The following GSDME variants were observed in gnomAD, a reference collection of about 807,000 sequenced individuals.
GSDME encodes gasdermin-E.
GSDME carries 44 observed loss-of-function variants against 47.5 expected under a neutral mutation model. That is an observed-to-expected ratio of 0.93 (90% CI 0.73 to 1.19). The LOEUF (loss-of-function observed/expected upper bound fraction) is 1.19, where lower values mean the gene tolerates loss of function less well. Ranked by LOEUF, GSDME falls within the 50% of genes most tolerant of loss-of-function variation. GSDME has a pLI of 0.00. For synonymous variants in GSDME, 258 were observed against 252.8 expected (o/e 1.02, Z -0.20); for missense variants, 663 against 604.2 (o/e 1.10, Z -1.02).
intron 3 of GSDME, among the ~76,000 whole-genome samples, chr7:24,727,587 G>A (rs1028003093): frequency 5.3e-5 from 8 of 152,234 alleles, no homozygotes; most frequent in Non-Finnish European, 1.2e-4. Flanking sequence ...AGGATCACAC[G>A]TGTGTTCACA....
rs1790422737 is a variant in GSDME at position 24,739,636 on chromosome 7, C to G, written c.404+4926G>C. On this transcript the variant is annotated intron_variant, in intron 3 of 9. Coordinates refer to ENST00000645220, the MANE Select transcript of GSDME (RefSeq NM_001127453.2). The surrounding 1 kb of genome is among the most constrained non-coding windows in gnomAD (Gnocchi z 5.1). Reference sequence around the variant, plus strand: ...AGCATTCCAACTGCTGGATATGTACCCAAAAGAAAGGAAATCAGTATACTG... The same window carrying G: ...AGCATTCCAACTGCTGGATATGTACGCAAAAGAAAGGAAATCAGTATACTG... Among the ~76,000 whole-genome samples, 1 of 152,044 alleles carries G rather than the reference C, an allele frequency of 6.6e-6. No homozygotes were observed. Among genetic ancestry groups the G allele is most frequent in the African/African-American group, 2.4e-5 (1 of 41,372 alleles).
chr7:24,706,163 T>G, intron 8 of GSDME, 21 bp downstream of exon 8: 1 of 1,614,012 alleles, frequency 6.2e-7, no homozygotes, highest in Non-Finnish European at 8.5e-7. Flanking sequence ...AGCCATTTCT[T>G]TCATTTTCTT....
chr7:24,787,847 C>T, the GSDME span, among the ~76,000 whole-genome samples: 3 of 152,144 alleles, frequency 2.0e-5, no homozygotes, highest in Non-Finnish European at 4.4e-5. The surrounding 1 kb of genome is among the most constrained non-coding windows in gnomAD (Gnocchi z 5.0). Flanking sequence ...GCTGGGATTA[C>T]AGGCACGTGC....
At chr7:24,774,615 C>A in the GSDME span, among the ~76,000 whole-genome samples, 1 of 152,082 alleles carries the variant, frequency 6.6e-6, no homozygotes, top group Non-Finnish European at 1.5e-5. Flanking sequence ...TCACTGCAAC[C>A]TCTGCCTCCC....
At position 24,749,731 on chromosome 7, in the gene GSDME, G is replaced by C. The variant is rs1420704852; in HGVS notation, c.44C>G (p.Ala15Gly). Reference protein sequence around the residue: ...ATRNFLREVDADGDLIAVSNL... With the variant: ...ATRNFLREVDGDGDLIAVSNL... ...TGATACTGCAATCAGGTCACCATCAGCATCAACTTCTCTAAGAAAATTCCT... is the reference window on the plus strand; with the variant it reads ...TGATACTGCAATCAGGTCACCATCACCATCAACTTCTCTAAGAAAATTCCT... The change falls in exon 2 of 10, where the codon GCT (alanine) becomes GGT (glycine). Residue 15 changes from alanine to glycine, a missense_variant. Transcript: ENST00000645220. 1 of 1,613,986 alleles carries C rather than the reference G, an allele frequency of 6.2e-7. No homozygotes were observed. The highest frequency in any genetic ancestry group is 1.7e-5 in the Admixed American group (1 of 60,008).
chr7:24,755,904 T>C (rs1791001682), intron 1 of GSDME, among the ~76,000 whole-genome samples: 1 of 152,230 alleles, frequency 6.6e-6, no homozygotes, highest in African/African-American at 2.4e-5. Flanking sequence ...ACTTGTCTAC[T>C]TGTCTCATTG....
the GSDME span, among the ~76,000 whole-genome samples, chr7:24,781,350 C>T: frequency 6.6e-6 from 1 of 152,186 alleles, no homozygotes; most frequent in Non-Finnish European, 1.5e-5. Context: ...CAATCTAACA[C>T]AGAAGAGAAG....
intron 9 of GSDME, among the ~76,000 whole-genome samples, chr7:24,700,475 A>G (rs910001276): frequency 3.3e-5 from 5 of 152,240 alleles, no homozygotes; most frequent in African/African-American, 9.6e-5. Context: ...AAATAAGCCT[A>G]GAAAGTTTGC....
chr7:24,717,224 C>T, intron 5 of GSDME, 30 bp downstream of exon 5: 1 of 1,613,868 alleles, frequency 6.2e-7, no homozygotes, highest in African/African-American at 1.3e-5. Flanking sequence ...TGCTGGGGAT[C>T]CCTCAGCACC....
chr7:24,788,386 G>T, the GSDME span, among the ~76,000 whole-genome samples: 1 of 136,876 alleles, frequency 7.3e-6, no homozygotes, highest in Non-Finnish European at 1.6e-5. The surrounding 1 kb of genome is among the most constrained non-coding windows in gnomAD (Gnocchi z 4.6). Context: ...GCTCCCGATG[G>T]CTGTCCCCTC....
At chr7:24,719,752 C>T (rs1180208778) in intron 3 of GSDME, among the ~76,000 whole-genome samples, 3 of 151,840 alleles carry the variant, frequency 2.0e-5, no homozygotes, top group African/African-American at 7.2e-5. Context: ...GAGATCATGC[C>T]ATTGCGCTCC....
rs148914616 is a variant in GSDME at position 24,714,423 on chromosome 7, G to A, written c.697+2831C>T. On this transcript the variant is annotated intron_variant, in intron 5 of 9. Transcript: ENST00000645220. The surrounding 1 kb of genome is among the most constrained non-coding windows in gnomAD (Gnocchi z 5.0). ...TTCTGTAGCAAGAGCAACAGAAAAC[G>A]GATGGGCAAAAAAAAGAAAAGAAAT... 2.7e-3 allele frequency among the ~76,000 whole-genome samples: 408 copies of A among 152,094 alleles called. 1 individual carries two copies. The highest frequency in any genetic ancestry group is 9.4e-3 in the African/African-American group (390 of 41,488).
At chr7:24,750,540 G>C (rs1341115384) in intron 1 of GSDME, among the ~76,000 whole-genome samples, 1 of 152,178 alleles carries the variant, frequency 6.6e-6, no homozygotes, top group East Asian at 1.9e-4. Flanking sequence ...TTGAGCCCAG[G>C]AGTTCAAAAC....
chr7:24,714,187 G>C lies in GSDME; in HGVS notation c.697+3067C>G, dbSNP rs1789457964. Among the ~76,000 whole-genome samples the C allele has an allele frequency of 6.6e-6, 1 of 152,200 alleles. No homozygotes were observed. The highest frequency in any genetic ancestry group is 1.5e-5 in the Non-Finnish European group (1 of 68,022). On this transcript the variant is annotated intron_variant, in intron 5 of 9. Coordinates refer to ENST00000645220, the MANE Select transcript of GSDME (RefSeq NM_001127453.2). This position sits in a 1 kb window ranked among gnomAD's most constrained non-coding sequence, Gnocchi z 5.0. ...AAGTGTCTCCTGAGAGGGGAGCTGT[G>C]GGTGAAGGAAAGGGTCTCATTGCAG... is the stretch of plus-strand genomic sequence containing the variant.
chr7:24,725,123 T>G lies in GSDME; in HGVS notation c.405-5905A>C, dbSNP rs917952879. Among the ~76,000 whole-genome samples, 3 of 152,200 alleles carry G rather than the reference T, an allele frequency of 2.0e-5. No individual in the cohort carries two copies. The highest frequency in any genetic ancestry group is 2.9e-5 in the Non-Finnish European group (2 of 68,040). On this transcript the variant is annotated intron_variant, in intron 3 of 9. Transcript: ENST00000645220. This position sits in a 1 kb window ranked among gnomAD's most constrained non-coding sequence, Gnocchi z 5.1. ...TCTCTTCTGTATAAATTACCCAGTC[T>G]CAGGTATTTCCTTATAATAATGCAA...
chr7:24,779,952 A>C, the GSDME span, among the ~76,000 whole-genome samples: 2 of 152,260 alleles, frequency 1.3e-5, no homozygotes, highest in African/African-American at 4.8e-5. The surrounding 1 kb of genome is among the most constrained non-coding windows in gnomAD (Gnocchi z 6.0). Flanking sequence ...TTCTGAAGGC[A>C]GCTAATGGCA....
intron 7 of GSDME, chr7:24,707,576 G>C (rs756050672): frequency 2.7e-6 from 1 of 369,250 alleles, no homozygotes; most frequent in Admixed American, 3.6e-5. Flanking sequence ...CGTGACCTTA[G>C]TCTTTGCAGA....
intron 3 of GSDME, among the ~76,000 whole-genome samples, chr7:24,737,625 G>A (rs184843919): frequency 6.6e-6 from 1 of 151,940 alleles, no homozygotes; most frequent in Admixed American, 6.6e-5. Context: ...CAGAGAAGGA[G>A]GGAATACTTT....
intron 5 of GSDME, chr7:24,715,564 CAT>C (rs777825026): frequency 9.3e-5 from 43 of 462,010 alleles, no homozygotes; most frequent in South Asian, 6.2e-4. Flanking sequence ...CCAAGGCAGA[CAT>C]AGGGGGGCTA....
Sources: allele counts gnomAD v4.1 joint callset (sites outside exome capture counted in the v4.1 genomes callset), GRCh38; gene constraint gnomAD v4.1.1; non-coding constraint Gnocchi (gnomAD v3.1); transcripts MANE v1.5; gene names NCBI Gene and HGNC (gene_info 2026-07-23, HGNC 2026-07-21).